ITSN2: variants seen among roughly 807,000 people sequenced by gnomAD.
ITSN2 encodes the protein intersectin-2.
A neutral mutation model predicts 243.7 loss-of-function variants in ITSN2; 156 were observed. The ratio of observed to expected loss-of-function variants is 0.64; its 90% CI spans 0.56 to 0.73. ITSN2 has a LOEUF of 0.73. ITSN2 is among the 30% of genes least tolerant of loss of function. ITSN2 has a pLI of 0.00. For missense variants in ITSN2, 1,801 were observed against 1,996.1 expected (o/e 0.90, Z 1.86); for synonymous variants, 703 against 699.9 (o/e 1.00, Z -0.07).
chr2:24,322,190 C>T (rs926510368), intron 2 of ITSN2, among the ~76,000 whole-genome samples: 9 of 152,188 alleles, frequency 5.9e-5, no homozygotes, highest in African/African-American at 1.9e-4. Context: ...TAATGAAACT[C>T]ACCCTGTGTC....
chr2:24,299,854 T>C lies in ITSN2; in HGVS notation c.1344+55A>G, dbSNP rs1192206194. 5.0e-6 allele frequency: 7 copies of C among 1,407,506 alleles called. No homozygotes were observed. The East Asian group carries it at 9.2e-5, about 19-fold the overall frequency. 87.2% of individuals were successfully genotyped at this position (1,407,506 alleles called of 1,614,324 possible). A position where few individuals can be genotyped will look rare whatever the true frequency, so the allele number is the denominator to read the frequency against. Reference sequence around the variant, plus strand: ...AAGCATTTTTTAATCAAATGAAATATAGTCACTTATTAAATGTAATGATTT... The same window carrying C: ...AAGCATTTTTTAATCAAATGAAATACAGTCACTTATTAAATGTAATGATTT... On this transcript the variant is annotated intron_variant, in intron 12 of 39. Coordinates refer to ENST00000355123, the MANE Select transcript of ITSN2 (RefSeq NM_006277.3).
Position 24,286,260 on chromosome 2 carries a change from TTC to T in ITSN2, c.1813_1814del (p.Glu605AsnfsTer4), listed in dbSNP as rs1679490624. On this transcript the variant is annotated frameshift_variant, in exon 16 of 40. Coordinates refer to ENST00000355123, the MANE Select transcript of ITSN2 (RefSeq NM_006277.3). LOFTEE classifies it high-confidence loss of function. ...LKEQLDALEK[E>X]TASKLSEMDS... ...CCATTTCTGACAGCTTAGATGCAGT[TTC>T]TTTTTCAAGAGCATCTAACTGTTCT... 1 of 1,606,014 alleles carries T rather than the reference TTC, an allele frequency of 6.2e-7. No individual in the cohort carries two copies. Among genetic ancestry groups the T allele is most frequent in the African/African-American group, 1.3e-5 (1 of 74,690 alleles).
chr2:24,276,883 G>A (rs552091675), intron 17 of ITSN2, among the ~76,000 whole-genome samples: 1 of 152,314 alleles, frequency 6.6e-6, no homozygotes, highest in South Asian at 2.1e-4. Context: ...CTGGGATAAA[G>A]TAAACCTGGA....
rs753468393 is a variant in ITSN2, at chr2:24,246,879, C to T, written c.3303G>A (p.Lys1101=). Residue 1101 remains lysine, a synonymous_variant, in exon 28 of 40, where the codon AAG becomes AAA. Transcript: ENST00000355123. ...TGGCAGGAAACCATCCTTTCTGTCGCTTTTTTCCTCTGGCCTAAAAATTAG... is the reference window on the plus strand; with the variant it reads ...TGGCAGGAAACCATCCTTTCTGTCGTTTTTTTCCTCTGGCCTAAAAATTAG... The part of the protein sequence containing the change: ...WQGELQARGK[K]RQKGWFPASH... 4.3e-6 allele frequency: 7 copies of T among 1,611,442 alleles called. No homozygotes were observed. In the South Asian group the frequency reaches 7.7e-5, roughly 18 times the overall value.
intron 12 of ITSN2, 90 bp from the exon 13 acceptor site, chr2:24,298,904 A>C: frequency 2.5e-6 from 3 of 1,223,608 alleles, no homozygotes; most frequent in Non-Finnish European, 3.4e-6. Context: ...AGTCAGGCAG[A>C]GTTTAGCACT....
At chr2:24,213,142 C>T (rs1409392302) in intron 32 of ITSN2, among the ~76,000 whole-genome samples, 1 of 152,230 alleles carries the variant, frequency 6.6e-6, no homozygotes, top group South Asian at 2.1e-4. Context: ...CCTCTCTTCT[C>T]GGAGCTGATT....
rs1404474535 is a variant in ITSN2 at position 24,211,064 on chromosome 2, C to T, written c.4090-117G>A. 19 of 942,934 alleles carry T rather than the reference C, an allele frequency of 2.0e-5. No homozygotes were observed. The highest frequency in any genetic ancestry group is 5.0e-5 in the Admixed American group (2 of 40,320). The allele number at this position is 942,934 out of a possible 1,614,324, so 58.4% of individuals were successfully genotyped here. A position where few individuals can be genotyped will look rare whatever the true frequency, so the allele number is the denominator to read the frequency against. ...ATGGACTGCTTCCATGCCCTGGAAA[C>T]GCGGCGGTGAACAAGACGACACTTT... On this transcript the variant is annotated intron_variant, in intron 33 of 39. Transcript: ENST00000355123. This position sits in a 1 kb window ranked among gnomAD's most constrained non-coding sequence, Gnocchi z 4.1.
chr2:24,300,312 A>T (rs2151660352), intron 11 of ITSN2, 141 bp from the exon 12 acceptor site: 1 of 744,464 alleles, frequency 1.3e-6, no homozygotes, highest in East Asian at 2.7e-5. Flanking sequence ...TTTTAACTCA[A>T]ATCTAAGTGG....
Position 24,315,149 on chromosome 2 carries a change from G to A in ITSN2, c.107C>T (p.Ser36Leu). ...ATACAAACCTGTTATGTAACCTCCT[G>A]AAGGTTTGAGGTTATCAAACTGCCT... Reference protein sequence around the residue: ...HDRQFDNLKPSGGYITGDQAR... With the variant: ...HDRQFDNLKPLGGYITGDQAR... The change falls in exon 3 of 40, where the codon TCA (serine) becomes TTA (leucine). Residue 36 changes from serine to leucine, a missense_variant. Physicochemically the swap from Ser to Leu is moderately radical, Grantham distance 145. Around this residue, in one of 5 missense-constraint regions of ITSN2, gnomAD observed 77 missense variants for 90.1 expected, o/e 0.85. Coordinates refer to ENST00000355123, the MANE Select transcript of ITSN2 (RefSeq NM_006277.3). 3 of 1,600,094 alleles carry A rather than the reference G, an allele frequency of 1.9e-6. No individual in the cohort carries two copies. The highest frequency in any genetic ancestry group is 2.6e-6 in the Non-Finnish European group (3 of 1,168,430).
At chr2:24,341,832 C>A (rs1037967926) in intron 1 of ITSN2, among the ~76,000 whole-genome samples, 1 of 151,718 alleles carries the variant, frequency 6.6e-6, no homozygotes, top group African/African-American at 2.4e-5. Context: ...CCAGCCTGGG[C>A]GACAGAGCAA....
At chr2:24,353,102 C>G (rs1688164937) in intron 1 of ITSN2, among the ~76,000 whole-genome samples, 1 of 152,048 alleles carries the variant, frequency 6.6e-6, no homozygotes, top group Admixed American at 6.6e-5. Flanking sequence ...ATCTATATAA[C>G]AAATATTTAA....
In ITSN2 at chr2:24,360,525, G is replaced by T. The variant is rs951478245; in HGVS notation, c.-255C>A. On this transcript the variant is annotated 5_prime_UTR_variant, in exon 1 of 40. Coordinates refer to ENST00000355123, the MANE Select transcript of ITSN2 (RefSeq NM_006277.3). ...GCCTCAGCCCCACAACAACATGGCGGCCGCGGCCTCCGCAGGAAGCCGGGG... is the reference window on the plus strand; with the variant it reads ...GCCTCAGCCCCACAACAACATGGCGTCCGCGGCCTCCGCAGGAAGCCGGGG... 1 of 152,324 alleles carries T rather than the reference G, an allele frequency of 6.6e-6. No individual in the cohort carries two copies. Among genetic ancestry groups the T allele is most frequent in the African/African-American group, 2.4e-5 (1 of 41,466 alleles). The allele number at this position is 152,324 out of a possible 1,614,324, so 9.4% of individuals were successfully genotyped here. A position where few individuals can be genotyped will look rare whatever the true frequency, so the allele number is the denominator to read the frequency against.
At chr2:24,240,036 TA>T in intron 29 of ITSN2, 1 of 152,088 alleles carries the variant, frequency 6.6e-6, no homozygotes. Flanking sequence ...TTTATCAGTG[TA>T]AAAGTGAAGT....
intron 23 of ITSN2, among the ~76,000 whole-genome samples, chr2:24,257,314 G>T (rs1248954382): frequency 6.6e-6 from 1 of 151,988 alleles, no homozygotes; most frequent in Non-Finnish European, 1.5e-5. Context: ...GTGAGACCCT[G>T]TCTCAAAAAC....
At chr2:24,348,303 T>A (rs1159600048) in intron 1 of ITSN2, among the ~76,000 whole-genome samples, 1 of 150,318 alleles carries the variant, frequency 6.7e-6, no homozygotes, top group African/African-American at 2.4e-5. Flanking sequence ...GCCTCCCAAG[T>A]AGCTGGGATT....
intron 18 of ITSN2, among the ~76,000 whole-genome samples, chr2:24,273,963 C>T (rs995374377): frequency 1.3e-5 from 2 of 152,222 alleles, no homozygotes; most frequent in African/African-American, 4.8e-5. Flanking sequence ...CCTATATGCA[C>T]TTCCGCTCTC....
chr2:24,335,467 G>C (rs970316818), intron 1 of ITSN2, among the ~76,000 whole-genome samples: 1 of 152,196 alleles, frequency 6.6e-6, no homozygotes, highest in Admixed American at 6.5e-5. Context: ...TGAGGAGCTA[G>C]GACTACAGGC....
intron 29 of ITSN2, among the ~76,000 whole-genome samples, chr2:24,237,802 AT>A (rs1672333058): frequency 6.6e-6 from 1 of 152,166 alleles, no homozygotes; most frequent in African/African-American, 2.4e-5. Flanking sequence ...GCTTTGAAAG[AT>A]CCCCACGATC....
intron 1 of ITSN2, among the ~76,000 whole-genome samples, chr2:24,359,501 G>A (rs1202603396): frequency 1.3e-5 from 2 of 152,170 alleles, no homozygotes; most frequent in Non-Finnish European, 2.9e-5. Flanking sequence ...AAGCACACTT[G>A]CCATTGGTAA....
Sources: allele counts gnomAD v4.1 joint callset (sites outside exome capture counted in the v4.1 genomes callset), GRCh38; gene constraint gnomAD v4.1.1; regional missense constraint gnomAD v4.1.1; non-coding constraint Gnocchi (gnomAD v3.1); transcripts MANE v1.5; gene names NCBI Gene and HGNC (gene_info 2026-07-23, HGNC 2026-07-21).